CTNNA3: variants seen among roughly 807,000 people sequenced by gnomAD.
CTNNA3 encodes catenin alpha 3, also known as catenin alpha-3.
In CTNNA3, 76 loss-of-function variants were observed where a neutral mutation model predicts 95.7. The observed-to-expected ratio is 0.79, with a 90% CI of 0.66 to 0.96. The LOEUF (loss-of-function observed/expected upper bound fraction) is 0.96. Among genes scored for constraint, CTNNA3 ranks in the 40% least tolerant of loss-of-function variants. The pLI is 0.00. For synonymous variants in CTNNA3, 431 were observed against 374.4 expected (o/e 1.15, Z -1.74); for missense variants, 1,191 against 1,089.8 (o/e 1.09, Z -1.31).
At chr10:67,266,633 T>C (rs1242139226) in intron 5 of CTNNA3, among the ~76,000 whole-genome samples, 1 of 152,146 alleles carries the variant, frequency 6.6e-6, no homozygotes, top group East Asian at 1.9e-4. Context: ...GTAACTATCA[T>C]GATAAGGAAT....
At chr10:66,524,971 C>T (rs1841200292) in intron 10 of CTNNA3, among the ~76,000 whole-genome samples, 1 of 151,986 alleles carries the variant, frequency 6.6e-6, no homozygotes, top group Admixed American at 6.6e-5. Context: ...ATTGCTTGAA[C>T]CAGGGAAGCG....
intron 1 of CTNNA3, among the ~76,000 whole-genome samples, chr10:67,651,634 A>G (rs1839880470): frequency 6.6e-6 from 1 of 152,248 alleles, no homozygotes; most frequent in Non-Finnish European, 1.5e-5. Context: ...TTTCAATATT[A>G]TTAAACACTG....
chr10:66,789,283 T>C (rs1840874615), intron 7 of CTNNA3, among the ~76,000 whole-genome samples: 2 of 152,072 alleles, frequency 1.3e-5, no homozygotes, highest in Non-Finnish European at 2.9e-5. Context: ...TTCAAGTGCT[T>C]CTCCTGACAG....
chr10:66,434,655 TG>T (rs1589245176), intron 11 of CTNNA3, among the ~76,000 whole-genome samples: 1 of 152,170 alleles, frequency 6.6e-6, no homozygotes, highest in East Asian at 1.9e-4. Flanking sequence ...CTTGCCTGAT[TG>T]CCCTGGCCAG....
intron 7 of CTNNA3, among the ~76,000 whole-genome samples, chr10:66,825,735 G>A (rs1455244878): frequency 6.6e-6 from 1 of 151,988 alleles, no homozygotes; most frequent in Non-Finnish European, 1.5e-5. Context: ...TCAGAACACT[G>A]CCTCTGTTCG....
intron 13 of CTNNA3, among the ~76,000 whole-genome samples, chr10:66,164,525 T>TA (rs1010248385): frequency 1.4e-4 from 22 of 152,064 alleles, no homozygotes; most frequent in Admixed American, 4.6e-4. Context: ...ACTGTTTTTT[T>TA]TTTTTTTAGA....
At chr10:66,311,734 G>T (rs1244619078) in intron 12 of CTNNA3, among the ~76,000 whole-genome samples, 1 of 152,170 alleles carries the variant, frequency 6.6e-6, no homozygotes, top group Non-Finnish European at 1.5e-5. Context: ...TCTACATGGG[G>T]CTCCTATATG....
At position 67,521,872 on chromosome 10, in the gene CTNNA3, A is replaced by G. The variant is rs888901409; in HGVS notation, c.549T>C (p.Asn183=). The change falls in exon 5 of 18, where the codon AAT becomes AAC. Residue 183 remains asparagine (N), a synonymous_variant. Transcript: ENST00000433211. The part of the protein sequence containing the change: ...TYQKLGKELE[N]LDYLAFKRQQ... ...GACGTTTGAAGGCTAAATAATCCAA[A>G]TTTTCCAGCTCCTTCCCAAGCTTCT... 3 of 1,612,556 alleles carry G rather than the reference A, an allele frequency of 1.9e-6. No homozygotes were observed. Among genetic ancestry groups the G allele is most frequent in the Non-Finnish European group, 2.5e-6 (3 of 1,179,084 alleles).
intron 3 of CTNNA3, among the ~76,000 whole-genome samples, chr10:67,559,780 A>T (rs1228179899): frequency 6.6e-6 from 1 of 152,212 alleles, no homozygotes; most frequent in Non-Finnish European, 1.5e-5. Flanking sequence ...ACCAATACAG[A>T]GAAGTGCTTA....
At chr10:67,173,884 G>T (rs1320721316) in intron 7 of CTNNA3, among the ~76,000 whole-genome samples, 1 of 152,158 alleles carries the variant, frequency 6.6e-6, no homozygotes, top group East Asian at 1.9e-4. Flanking sequence ...TCCACAAAGT[G>T]AATGACTGAC....
chr10:66,277,886 AG>A (rs2091427065), intron 13 of CTNNA3, among the ~76,000 whole-genome samples: 1 of 152,068 alleles, frequency 6.6e-6, no homozygotes, highest in Non-Finnish European at 1.5e-5. Context: ...ACATGTTCTC[AG>A]TTGCATGGAA....
At chr10:67,089,456 T>C (rs573181348) in intron 7 of CTNNA3, among the ~76,000 whole-genome samples, 1 of 151,924 alleles carries the variant, frequency 6.6e-6, no homozygotes, top group Non-Finnish European at 1.5e-5. Flanking sequence ...CAATTAACCA[T>C]TGGAATGCTA....
chr10:67,725,922 T>TATATAATC (rs1841208748), intron 1 of CTNNA3, among the ~76,000 whole-genome samples: 1 of 71,788 alleles, frequency 1.4e-5, no homozygotes, highest in Admixed American at 1.2e-4. Context: ...TTGTACATAA[T>TATATAATC]ATATAATTAT....
rs1844306512 is a variant in CTNNA3 at position 67,388,656 on chromosome 10, G to C, written c.579+133186C>G. Among the ~76,000 whole-genome samples the C allele has an allele frequency of 2.0e-5, 3 of 151,060 alleles. No homozygotes were observed. The South Asian group carries it at 6.3e-4, about 32-fold the overall frequency. ...AAGGAAAAAATGTTAAGGGCAGCCA[G>C]AGAGAAAGGTCGGGTTACCCTCAAA... On this transcript the variant is annotated intron_variant, in intron 5 of 17. Coordinates refer to ENST00000433211, the MANE Select transcript of CTNNA3 (RefSeq NM_013266.4).
At chr10:67,751,001 G>A (rs878985189) in intron 1 of CTNNA3, 1 of 1,583,020 alleles carries the variant, frequency 6.3e-7, no homozygotes, top group South Asian at 1.1e-5. Flanking sequence ...ATTGCTGCAA[G>A]GCACAAAAAA....
chr10:66,765,196 A>C (rs1839793737), intron 9 of CTNNA3, among the ~76,000 whole-genome samples: 1 of 152,156 alleles, frequency 6.6e-6, no homozygotes, highest in Non-Finnish European at 1.5e-5. Flanking sequence ...GCTGCATTGG[A>C]AACCTCCTCC....
At chr10:66,891,027 C>T (rs566544706) in intron 7 of CTNNA3, among the ~76,000 whole-genome samples, 52 of 152,270 alleles carry the variant, frequency 3.4e-4, no homozygotes, top group African/African-American at 1.2e-3. Flanking sequence ...AACTCCAACC[C>T]TTCCCCTCCC....
At position 67,455,686 on chromosome 10, in the gene CTNNA3, G is replaced by A. The variant is rs532611097; in HGVS notation, c.579+66156C>T. ...ACCCCAGTCTAACCCTAAGGAAAATGTTCAGACAAATCCCATTTAAGGGCC... is the reference window on the plus strand; with the variant it reads ...ACCCCAGTCTAACCCTAAGGAAAATATTCAGACAAATCCCATTTAAGGGCC... On this transcript the variant is annotated intron_variant, in intron 5 of 17. Coordinates refer to ENST00000433211, the MANE Select transcript of CTNNA3 (RefSeq NM_013266.4). 5.9e-5 allele frequency among the ~76,000 whole-genome samples: 9 copies of A among 152,192 alleles called. No homozygotes were observed. The South Asian group carries it at 1.9e-3, about 32-fold the overall frequency.
intron 7 of CTNNA3, among the ~76,000 whole-genome samples, chr10:66,965,547 A>T (rs570612767): frequency 6.1e-5 from 8 of 131,688 alleles, no homozygotes; most frequent in African/African-American, 2.0e-4. Context: ...AAAGAAAGAA[A>T]AGAAAAAAAA....
Sources: allele counts gnomAD v4.1 joint callset (sites outside exome capture counted in the v4.1 genomes callset), GRCh38; gene constraint gnomAD v4.1.1; transcripts MANE v1.5; gene names NCBI Gene and HGNC (gene_info 2026-07-23, HGNC 2026-07-21).